The following PCDH15 variants were observed in gnomAD, a reference collection of about 807,000 sequenced individuals.
The protein encoded by PCDH15 is protocadherin-15.
PCDH15 carries 129 observed loss-of-function variants against 178.5 expected under a neutral mutation model. The ratio of observed to expected loss-of-function variants is 0.72; its 90% confidence interval spans 0.63 to 0.84. The LOEUF is 0.84. Among genes scored for constraint, PCDH15 ranks in the 40% least tolerant of loss-of-function variants. PCDH15 has a pLI of 0.00. For missense variants in PCDH15, 2,230 were observed against 2,099.9 expected, an observed-to-expected ratio of 1.06 and a Z score of -1.21; for synonymous variants, 800 against 732.0, an observed-to-expected ratio of 1.09 and a Z score of -1.50.
At chr10:54,732,735 G>C (rs1430119589) in intron 1 of PCDH15, among the ~76,000 whole-genome samples, 1 of 151,476 alleles carries the variant, frequency 6.6e-6, no homozygotes, top group African/African-American at 2.4e-5. Flanking sequence ...ACATGATCAA[G>C]TAAAACAATG....
intron 2 of PCDH15, among the ~76,000 whole-genome samples, chr10:54,647,402 A>T (rs1299008763): frequency 6.6e-6 from 1 of 152,206 alleles, no homozygotes; most frequent in Non-Finnish European, 1.5e-5. Flanking sequence ...ACATGTGTAG[A>T]TATTTAGTTA....
chr10:54,307,041 T>TATAC (rs2060538946), intron 8 of PCDH15, among the ~76,000 whole-genome samples: 1 of 8,618 alleles, frequency 1.2e-4, no homozygotes, highest in African/African-American at 4.5e-4. Flanking sequence ...TGTGTGTGTG[T>TATAC]ATATATATAT....
At chr10:54,034,103 G>A (rs1232211382) in intron 18 of PCDH15, among the ~76,000 whole-genome samples, 3 of 151,804 alleles carry the variant, frequency 2.0e-5, no homozygotes, top group African/African-American at 4.8e-5. Context: ...TAAATTTTCT[G>A]GATAACATTC....
chr10:53,998,720 G>A (rs1457577653), intron 20 of PCDH15, among the ~76,000 whole-genome samples: 1 of 152,064 alleles, frequency 6.6e-6, no homozygotes, highest in Non-Finnish European at 1.5e-5. Flanking sequence ...AAGATAAGTA[G>A]AAAGTTCTAA....
intron 1 of PCDH15, among the ~76,000 whole-genome samples, chr10:54,678,515 A>G (rs2094833701): frequency 6.6e-6 from 1 of 152,152 alleles, no homozygotes; most frequent in South Asian, 2.1e-4. Flanking sequence ...GAGGGTCCTT[A>G]TATAATACTC....
At chr10:55,249,506 A>C (rs1160554866) in intron 1 of PCDH15, among the ~76,000 whole-genome samples, 4 of 152,214 alleles carry the variant, frequency 2.6e-5, no homozygotes, top group African/African-American at 9.6e-5. Context: ...ACCAAGAGTT[A>C]ATGTACAACT....
intron 3 of PCDH15, among the ~76,000 whole-genome samples, chr10:54,510,681 G>A (rs913227053): frequency 2.6e-5 from 4 of 152,128 alleles, no homozygotes; most frequent in Non-Finnish European, 5.9e-5. Flanking sequence ...AAGTAATAAT[G>A]AAATAGGTAG....
At chr10:54,996,241 A>G (rs1380251483) in intron 2 of PCDH15, among the ~76,000 whole-genome samples, 2 of 151,978 alleles carry the variant, frequency 1.3e-5, no homozygotes, top group African/African-American at 2.4e-5. Flanking sequence ...CCCCAACCAC[A>G]CTTCTGATTG....
At chr10:54,567,568 T>C (rs1422189573) in intron 2 of PCDH15, among the ~76,000 whole-genome samples, 1 of 152,170 alleles carries the variant, frequency 6.6e-6, no homozygotes, top group East Asian at 1.9e-4. Flanking sequence ...CAAATCATAA[T>C]TAAGCTTTTC....
At chr10:54,361,239 G>A (rs956752634) in intron 5 of PCDH15, among the ~76,000 whole-genome samples, 2 of 152,066 alleles carry the variant, frequency 1.3e-5, no homozygotes, top group Non-Finnish European at 2.9e-5. Context: ...AAAACTGCAT[G>A]TACAAGTGGA....
intron 2 of PCDH15, among the ~76,000 whole-genome samples, chr10:54,972,208 G>A (rs11004650): frequency 3.7e-4 from 56 of 152,206 alleles, no homozygotes; most frequent in African/African-American, 5.5e-4. Context: ...CAATAATGCC[G>A]CATATAAAGC....
chr10:54,685,269 A>AT (rs1375896732), intron 1 of PCDH15, among the ~76,000 whole-genome samples: 1 of 152,054 alleles, frequency 6.6e-6, no homozygotes, highest in African/African-American at 2.4e-5. Context: ...TTTACAGTTA[A>AT]TTTTTTTATA....
chr10:54,756,066 C>A (rs1222459973), intron 1 of PCDH15, among the ~76,000 whole-genome samples: 1 of 142,526 alleles, frequency 7.0e-6, no homozygotes, highest in African/African-American at 2.7e-5. Flanking sequence ...AACACACACA[C>A]ACACACACAC....
intron 2 of PCDH15, among the ~76,000 whole-genome samples, chr10:55,095,503 A>G (rs1192230179): frequency 6.6e-6 from 1 of 152,042 alleles, no homozygotes; most frequent in African/African-American, 2.4e-5. Context: ...AAATACAACT[A>G]AAATCTTCCA....
chr10:54,851,173 C>A (rs1181222209), intron 3 of PCDH15, among the ~76,000 whole-genome samples: 1 of 152,084 alleles, frequency 6.6e-6, no homozygotes, highest in Non-Finnish European at 1.5e-5. Context: ...ATACCCCATT[C>A]TCCACAACGT....
At chr10:54,346,582 A>T in intron 5 of PCDH15, 98 bp from the exon 6 acceptor site, 1 of 1,427,728 alleles carries the variant, frequency 7.0e-7, no homozygotes. Context: ...ACCTAAAGGA[A>T]GATACCAGTT....
intron 36 of PCDH15, among the ~76,000 whole-genome samples, chr10:53,811,104 G>A (rs1271376558): frequency 6.6e-6 from 1 of 152,128 alleles, no homozygotes; most frequent in Non-Finnish European, 1.5e-5. Context: ...TTTTTTGAAA[G>A]TGGTTAATTT....
intron 2 of PCDH15, among the ~76,000 whole-genome samples, chr10:54,966,612 A>G (rs930403221): frequency 6.6e-6 from 1 of 152,062 alleles, no homozygotes; most frequent in Admixed American, 6.6e-5. Flanking sequence ...CATAATTCCC[A>G]CTTGTTGTGG....
intron 9 of PCDH15, among the ~76,000 whole-genome samples, chr10:54,229,421 G>A (rs1397877010): frequency 6.6e-6 from 1 of 152,082 alleles, no homozygotes; most frequent in Non-Finnish European, 1.5e-5. Flanking sequence ...GATCATAAAA[G>A]TTATGTATTC....
Sources: allele counts gnomAD v4.1 joint callset (sites outside exome capture counted in the v4.1 genomes callset), GRCh38; gene constraint gnomAD v4.1.1; transcripts MANE v1.5; gene names NCBI Gene and HGNC (gene_info 2026-07-23, HGNC 2026-07-21).